Variants in GLDC observed in about 807,000 individuals in gnomAD.
The protein encoded by GLDC is glycine dehydrogenase (decarboxylating), mitochondrial.
Under a neutral mutation model 121.3 loss-of-function variants are expected in GLDC, and 104 were observed. That is an observed-to-expected ratio of 0.86 (90% CI 0.73 to 1.01). The LOEUF (loss-of-function observed/expected upper bound fraction) is 1.01, where lower values mean the gene tolerates loss of function less well. Among genes scored for constraint, GLDC ranks in the 50% least tolerant of loss-of-function variants. The pLI is 0.00. For missense variants in GLDC, 1,429 were observed against 1,306.6 expected (o/e 1.09, Z -1.44); for synonymous variants, 546 against 480.6 (o/e 1.14, Z -1.78).
chr9:6,580,046 T>G (rs1013629017), intron 15 of GLDC, among the ~76,000 whole-genome samples: 7 of 152,146 alleles, frequency 4.6e-5, no homozygotes, highest in Admixed American at 3.3e-4. Context: ...GTCTCAGAAC[T>G]ACGGAAGACC....
intron 20 of GLDC, among the ~76,000 whole-genome samples, chr9:6,552,628 T>C (rs1166566479): frequency 6.6e-6 from 1 of 152,188 alleles, no homozygotes; most frequent in Admixed American, 6.5e-5. Context: ...GGGGGTTTTG[T>C]TTCAGTGGGA....
intron 15 of GLDC, chr9:6,567,465 G>A (rs1433428523): frequency 1.3e-5 from 2 of 152,326 alleles, no homozygotes; most frequent in African/African-American, 4.8e-5. Context: ...GATGTGATGT[G>A]TAGTGAGATC....
intron 15 of GLDC, among the ~76,000 whole-genome samples, chr9:6,567,021 C>G (rs1023553711): frequency 2.0e-5 from 3 of 152,032 alleles, no homozygotes; most frequent in Non-Finnish European, 4.4e-5. Context: ...TGCTGCTCTT[C>G]TGAGCACACT....
At chr9:6,568,496 C>T (rs185526136) in intron 15 of GLDC, among the ~76,000 whole-genome samples, 7 of 152,104 alleles carry the variant, frequency 4.6e-5, no homozygotes, top group African/African-American at 1.2e-4. Flanking sequence ...GGCCAGTGAA[C>T]GGGGAGCCTC....
rs1409018724 is a variant in GLDC at position 6,610,178 on chromosome 9, G to T, written c.635+14C>A. The T allele has an allele frequency of 1.1e-5, 18 of 1,599,626 alleles. No homozygotes were observed. Among genetic ancestry groups the T allele is most frequent in the Non-Finnish European group, 1.4e-5 (16 of 1,171,818 alleles). On this transcript the variant is annotated intron_variant, in intron 4 of 24. Coordinates refer to ENST00000321612, the MANE Select transcript of GLDC (RefSeq NM_000170.3). Reference sequence around the variant, plus strand: ...CCCACAACTGGAATTCCAGCACTTTGAGAGGCCTCTCACCTGTAGCACAGC... The same window carrying T: ...CCCACAACTGGAATTCCAGCACTTTTAGAGGCCTCTCACCTGTAGCACAGC...
chr9:6,535,593 C>A (rs993302066), intron 23 of GLDC, among the ~76,000 whole-genome samples: 1 of 152,052 alleles, frequency 6.6e-6, no homozygotes, highest in Admixed American at 6.6e-5. Flanking sequence ...AGGACTCTGA[C>A]CAGATGTAAA....
intron 24 of GLDC, chr9:6,533,978 CG>C (rs968623539): frequency 6.6e-6 from 1 of 151,786 alleles, no homozygotes; most frequent in African/African-American, 2.4e-5. Context: ...TTTGGGAGGC[CG>C]GGGTGGGCGG....
chr9:6,577,699 G>GCA (rs747329900), intron 15 of GLDC, among the ~76,000 whole-genome samples: 277 of 151,532 alleles, frequency 1.8e-3, no homozygotes, highest in African/African-American at 5.3e-3. Flanking sequence ...ATGCCCCTGT[G>GCA]CACACACACA....
At chr9:6,623,709 C>A (rs1422818614) in intron 2 of GLDC, among the ~76,000 whole-genome samples, 3 of 152,152 alleles carry the variant, frequency 2.0e-5, no homozygotes, top group African/African-American at 7.2e-5. Context: ...GTAATATAAT[C>A]TAACTACCTT....
chr9:6,581,470 A>G (rs1241504206), intron 15 of GLDC, among the ~76,000 whole-genome samples: 1 of 152,224 alleles, frequency 6.6e-6, no homozygotes, highest in Non-Finnish European at 1.5e-5. Flanking sequence ...GAAACCCCAA[A>G]TAAGACACAA....
At chr9:6,544,143 G>C (rs1817334722) in intron 21 of GLDC, among the ~76,000 whole-genome samples, 1 of 152,198 alleles carries the variant, frequency 6.6e-6, no homozygotes, top group Non-Finnish European at 1.5e-5. Flanking sequence ...GGCAATCAAT[G>C]CTTGGTCAAG....
intron 3 of GLDC, 145 bp from the exon 4 acceptor site, chr9:6,610,501 C>G (rs575996106): frequency 1.5e-5 from 11 of 758,242 alleles, no homozygotes; most frequent in East Asian, 5.4e-5. Context: ...TTCTTTTTGG[C>G]CTTTGTAAAG....
intron 15 of GLDC, among the ~76,000 whole-genome samples, chr9:6,578,071 T>G (rs902019381): frequency 1.3e-5 from 2 of 151,888 alleles, no homozygotes; most frequent in African/African-American, 2.4e-5. Context: ...CACGCCACTG[T>G]GCCCAGCTAC....
chr9:6,588,657 T>C lies in GLDC; in HGVS notation c.1626A>G (p.Glu542=), dbSNP rs779537709. The C allele has an allele frequency of 2.1e-5, 34 of 1,613,398 alleles. No individual in the cohort carries two copies. Among genetic ancestry groups the C allele is most frequent in the Middle Eastern group, 1.6e-4 (1 of 6,062 alleles). ...TGTGAACAAGGGAAATGTCTTTATT[T>C]TCCAGTTTCTTCATGTACCGGACAA... The part of the protein sequence containing the change: ...TNIVRYMKKL[E]NKDISLVHSM... Residue 542 remains glutamate (E), a synonymous_variant, in exon 13 of 25, where the codon GAA becomes GAG. Transcript: ENST00000321612.
chr9:6,539,136 C>T (rs1817198898), intron 22 of GLDC, among the ~76,000 whole-genome samples: 1 of 152,060 alleles, frequency 6.6e-6, no homozygotes, highest in African/African-American at 2.4e-5. Context: ...CTTAGCCTTT[C>T]TGAGAATTGA....
chr9:6,627,100 C>G (rs941342984), intron 2 of GLDC, among the ~76,000 whole-genome samples: 1 of 151,930 alleles, frequency 6.6e-6, no homozygotes, highest in African/African-American at 2.4e-5. Context: ...TCGAGACCAT[C>G]CTGGCTAACA....
chr9:6,592,428 C>G (rs188343466), intron 10 of GLDC, among the ~76,000 whole-genome samples: 6 of 152,354 alleles, frequency 3.9e-5, no homozygotes, highest in Non-Finnish European at 8.8e-5. Flanking sequence ...TTGCCAGCCA[C>G]CTCTGAACTC....
chr9:6,563,020 C>A (rs1028550159), intron 16 of GLDC, among the ~76,000 whole-genome samples: 2 of 152,134 alleles, frequency 1.3e-5, no homozygotes, highest in African/African-American at 4.8e-5. Flanking sequence ...GTGAAATGGC[C>A]TCTCATGACA....
Position 6,589,191 on chromosome 9 carries a change from A to C in GLDC, c.1580+4T>G, listed in dbSNP as rs752642527. The C allele has an allele frequency of 2.4e-5, 38 of 1,570,022 alleles. No individual in the cohort carries two copies. The highest frequency in any genetic ancestry group is 3.2e-5 in the Non-Finnish European group (36 of 1,139,932). On this transcript the variant is annotated splice_donor_region_variant and intron_variant, in intron 12 of 24. Transcript: ENST00000321612. ...AACGCAGAAGTCACACAAGACACAC[A>C]AACCTGTTGAACACTTGATGGGTGA...
Sources: gnomAD v4.1 joint callset for allele counts (sites outside exome capture counted in the v4.1 genomes callset) on GRCh38, gnomAD v4.1.1 for gene constraint, MANE v1.5 for transcripts, NCBI Gene and HGNC (gene_info 2026-07-23, HGNC 2026-07-21) for gene names.